The following KCTD16 variants were observed in gnomAD, a reference collection of about 807,000 sequenced individuals.
The protein encoded by KCTD16 is potassium channel tetramerization domain containing 16, also known as BTB/POZ domain-containing protein KCTD16.
In KCTD16, 13 loss-of-function variants were observed where a neutral mutation model predicts 33.2. The ratio of observed to expected loss-of-function variants is 0.39; its 90% CI spans 0.25 to 0.62. The LOEUF is 0.62. Ranked by LOEUF, KCTD16 falls within the 20% of genes least tolerant of loss-of-function variation. The pLI is 0.50. For synonymous variants in KCTD16, 197 were observed against 195.3 expected, an observed-to-expected ratio of 1.01 and a Z score of -0.07; for missense variants, 441 against 525.1, an observed-to-expected ratio of 0.84 and a Z score of 1.57.
At chr5:144,458,063 GA>G (rs1189247754) in intron 3 of KCTD16, among the ~76,000 whole-genome samples, 1 of 152,086 alleles carries the variant, frequency 6.6e-6, no homozygotes. Flanking sequence ...AAACAATAAA[GA>G]AAAATCCTTA....
chr5:144,202,864 T>A (rs1753075383), intron 2 of KCTD16, among the ~76,000 whole-genome samples: 1 of 152,216 alleles, frequency 6.6e-6, no homozygotes, highest in Non-Finnish European at 1.5e-5. Flanking sequence ...ATTTTTCAAT[T>A]CTCAGAGTGT....
At position 144,206,840 on chromosome 5, in the gene KCTD16, A is replaced by C. The variant is rs778862777; in HGVS notation, c.126A>C (p.Thr42=). 3.9e-5 allele frequency: 63 copies of C among 1,613,998 alleles called. 1 individual carries two copies. The South Asian group carries it at 6.5e-4, about 17-fold the overall frequency. Residue 42 remains threonine, a synonymous_variant, in exon 3 of 4, where the codon ACA becomes ACC. Transcript: ENST00000512467. ...AAGTTTATTTTACTCGCCATTCCAC[A>C]TTGATAAGCATCCCTCATTCCCTCC... ...GGQVYFTRHS[T]LISIPHSLLW... is the part of the protein sequence containing the mutation.
At chr5:144,234,093 G>T (rs938584322) in intron 3 of KCTD16, among the ~76,000 whole-genome samples, 1 of 152,104 alleles carries the variant, frequency 6.6e-6, no homozygotes, top group African/African-American at 2.4e-5. Context: ...TTGTACTGAA[G>T]CGTTTGCATT....
intron 3 of KCTD16, among the ~76,000 whole-genome samples, chr5:144,254,963 C>T (rs572366017): frequency 5.3e-5 from 8 of 152,194 alleles, no homozygotes; most frequent in Admixed American, 2.0e-4. Flanking sequence ...GGGGGTCTCA[C>T]TATATTGTCC....
At chr5:144,342,904 C>A (rs1752685434) in intron 3 of KCTD16, among the ~76,000 whole-genome samples, 1 of 152,058 alleles carries the variant, frequency 6.6e-6, no homozygotes, top group Admixed American at 6.6e-5. Flanking sequence ...TATATTGAAC[C>A]AGCCTTGCAT....
At chr5:144,299,072 A>ATATATATATATATATATTTT (rs1491103244) in intron 3 of KCTD16, among the ~76,000 whole-genome samples, 24 of 57,434 alleles carry the variant, frequency 4.2e-4, no homozygotes, top group Non-Finnish European at 7.0e-4. Context: ...ATATATATAT[A>ATATATATATATATATATTTT]TTTTTGTATA....
chr5:144,390,998 G>A (rs974655206), intron 3 of KCTD16, among the ~76,000 whole-genome samples: 3 of 151,678 alleles, frequency 2.0e-5, no homozygotes, highest in African/African-American at 7.3e-5. Context: ...GCCTTTATGA[G>A]TACCTACAGC....
At chr5:144,252,668 T>C (rs995352936) in intron 3 of KCTD16, among the ~76,000 whole-genome samples, 3 of 151,844 alleles carry the variant, frequency 2.0e-5, no homozygotes, top group Non-Finnish European at 2.9e-5. Flanking sequence ...ATTGAGTTAG[T>C]TGGATTTCAG....
chr5:144,346,124 C>T (rs1275849574), intron 3 of KCTD16, among the ~76,000 whole-genome samples: 1 of 152,054 alleles, frequency 6.6e-6, no homozygotes, highest in African/African-American at 2.4e-5. Context: ...CTTTCTGTGC[C>T]TGGCTTATTT....
At chr5:144,260,736 G>GT (rs111434052) in intron 3 of KCTD16, among the ~76,000 whole-genome samples, 3,953 of 151,696 alleles carry the variant, frequency 0.026, 185 homozygotes, top group African/African-American at 0.09. Context: ...ATGGTTGCCT[G>GT]TTTTTTTTGT....
At position 144,474,221 on chromosome 5, in the gene KCTD16, C is replaced by A; in HGVS notation, c.*107C>A. 1 of 851,102 alleles carries A rather than the reference C, an allele frequency of 1.2e-6. No homozygotes were observed. The highest frequency in any genetic ancestry group is 1.8e-6 in the Non-Finnish European group (1 of 555,994). The allele number at this position is 851,102 out of a possible 1,614,324, so 52.7% of individuals were successfully genotyped here. A position where few individuals can be genotyped will look rare whatever the true frequency, so the allele number is the denominator to read the frequency against. On this transcript the variant is annotated 3_prime_UTR_variant, in exon 4 of 4. Transcript: ENST00000512467. ...AAAATACAACTAATGATGCACATTT[C>A]TTAGAACACAATAGTCCATTGATAT...
rs767280521 is a variant in KCTD16 at position 144,479,134 on chromosome 5, T to C, written c.*5020T>C. The C allele has an allele frequency of 9.2e-5, 14 of 151,896 alleles. No homozygotes were observed. The highest frequency in any genetic ancestry group is 2.6e-4 in the Admixed American group (4 of 15,212). 9.4% of individuals were successfully genotyped at this position (151,896 alleles called of 1,614,324 possible). ...TTGAAAGTGATCCATAATTTAATGG[T>C]GTATATGGCCCCAAAGGTGATTCCA... On this transcript the variant is annotated 3_prime_UTR_variant, in exon 4 of 4. Coordinates refer to ENST00000512467, the MANE Select transcript of KCTD16 (RefSeq NM_020768.4).
chr5:144,373,224 C>T (rs1335557925), intron 3 of KCTD16, among the ~76,000 whole-genome samples: 1 of 152,088 alleles, frequency 6.6e-6, no homozygotes, highest in African/African-American at 2.4e-5. Flanking sequence ...TCATGGTCTC[C>T]TGACTCTTGA....
rs140891816 is a variant in KCTD16 at position 144,452,146 on chromosome 5, T to TTATATATATATATA, written c.833-21508_833-21495dup. Among the ~76,000 whole-genome samples the TTATATATATATATA allele has an allele frequency of 3.4e-3, 463 of 138,152 alleles. 20 individuals carry two copies. Among genetic ancestry groups the TTATATATATATATA allele is most frequent in the African/African-American group, 0.013 (437 of 33,812 alleles). The allele number at this position is 138,152 out of a possible 152,430, so 90.6% of individuals were successfully genotyped here. On this transcript the variant is annotated intron_variant, in intron 3 of 3. Coordinates refer to ENST00000512467, the MANE Select transcript of KCTD16 (RefSeq NM_020768.4). ...CAAAACACATTAAATATATATAATATTATATATATATATATATATTCCTGT... is the reference window on the plus strand; with the variant it reads ...CAAAACACATTAAATATATATAATATTATATATATATATATATATATATATATATATATTCCTGT...
intron 3 of KCTD16, among the ~76,000 whole-genome samples, chr5:144,288,354 C>T (rs1386950619): frequency 6.6e-6 from 1 of 152,160 alleles, no homozygotes; most frequent in Non-Finnish European, 1.5e-5. Flanking sequence ...CTCCACAGGG[C>T]TCATCAACGT....
intron 3 of KCTD16, among the ~76,000 whole-genome samples, chr5:144,427,787 G>T (rs1753365065): frequency 6.6e-6 from 1 of 151,956 alleles, no homozygotes; most frequent in African/African-American, 2.4e-5. Flanking sequence ...TAGCTCCAGT[G>T]GAAATAACAT....
intron 3 of KCTD16, among the ~76,000 whole-genome samples, chr5:144,418,048 C>G (rs1753114641): frequency 6.6e-6 from 1 of 152,084 alleles, no homozygotes; most frequent in Non-Finnish European, 1.5e-5. Context: ...AAGCCACAGA[C>G]CTTGGCAGTG....
chr5:144,205,845 G>A (rs576773316), intron 2 of KCTD16: 38 of 334,292 alleles, frequency 1.1e-4, no homozygotes, highest in Non-Finnish European at 1.5e-4. Flanking sequence ...AATACAAATA[G>A]GCATTTATAT....
intron 3 of KCTD16, among the ~76,000 whole-genome samples, chr5:144,239,274 A>G (rs1484661111): frequency 1.3e-5 from 2 of 152,150 alleles, no homozygotes; most frequent in Non-Finnish European, 2.9e-5. Context: ...CTGTGTAGCC[A>G]TGATATCTTT....
Sources: gnomAD v4.1 joint callset for allele counts (sites outside exome capture counted in the v4.1 genomes callset) on GRCh38, gnomAD v4.1.1 for gene constraint, MANE v1.5 for transcripts, NCBI Gene and HGNC (gene_info 2026-07-23, HGNC 2026-07-21) for gene names.